Variants in RPS6KA5 observed in about 807,000 individuals in gnomAD.
The protein encoded by RPS6KA5 is ribosomal protein S6 kinase alpha-5.
RPS6KA5 carries 27 observed loss-of-function variants against 85.5 expected under a neutral mutation model. The ratio of observed to expected loss-of-function variants is 0.32; its 90% CI spans 0.23 to 0.44. The LOEUF is 0.44. Among genes scored for constraint, RPS6KA5 ranks in the 20% least tolerant of loss-of-function variants. The pLI, the probability that RPS6KA5 is intolerant of heterozygous loss-of-function variation, is 1.00. For synonymous variants in RPS6KA5, 334 were observed against 348.2 expected (o/e 0.96, Z 0.46); for missense variants, 811 against 980.9 (o/e 0.83, Z 2.31).
chr14:91,007,438 C>A (rs2041069234), intron 1 of RPS6KA5, among the ~76,000 whole-genome samples: 1 of 152,152 alleles, frequency 6.6e-6, no homozygotes, highest in African/African-American at 2.4e-5. Context: ...TATTTTAAAT[C>A]TTTTCAAGGT....
intron 3 of RPS6KA5, among the ~76,000 whole-genome samples, chr14:90,968,363 C>T (rs904579368): frequency 2.0e-5 from 3 of 152,216 alleles, no homozygotes; most frequent in Middle Eastern, 3.4e-3. Flanking sequence ...CCAGATAATT[C>T]AGAATAATCT....
intron 2 of RPS6KA5, among the ~76,000 whole-genome samples, chr14:90,980,041 G>C (rs186107409): frequency 1.3e-5 from 2 of 152,302 alleles, no homozygotes; most frequent in Non-Finnish European, 2.9e-5. Context: ...AAAGGTTTGT[G>C]TATTAGCTCA....
intron 3 of RPS6KA5, among the ~76,000 whole-genome samples, chr14:90,976,064 T>C (rs2039551631): frequency 1.3e-5 from 2 of 152,278 alleles, no homozygotes; most frequent in East Asian, 1.9e-4. Context: ...AAAAGCAACA[T>C]GATTAAGGAC....
intron 13 of RPS6KA5, among the ~76,000 whole-genome samples, chr14:90,893,451 T>A (rs1207479038): frequency 1.3e-5 from 2 of 152,192 alleles, no homozygotes; most frequent in Non-Finnish European, 2.9e-5. Flanking sequence ...TTTTAAAAAT[T>A]TTCTTTTCCA....
At chr14:90,880,040 C>G (rs1181188062) in intron 14 of RPS6KA5, among the ~76,000 whole-genome samples, 2 of 152,132 alleles carry the variant, frequency 1.3e-5, no homozygotes, top group Non-Finnish European at 2.9e-5. Flanking sequence ...ACCTTGTGAT[C>G]TACCCGCCTT....
intron 1 of RPS6KA5, among the ~76,000 whole-genome samples, chr14:91,018,848 C>CATGATATGTA (rs2041615754): frequency 1.3e-5 from 2 of 152,074 alleles, no homozygotes; most frequent in South Asian, 4.1e-4. Flanking sequence ...AATGAACTCC[C>CATGATATGTA]TATCATGTAT....
rs1037925567 is a variant in RPS6KA5, at chr14:90,900,008, G to C, written c.1379+100C>G. The C allele has an allele frequency of 2.0e-5, 20 of 1,022,200 alleles. No individual in the cohort carries two copies. The African/African-American group carries it at 2.3e-4, about 12-fold the overall frequency. 63.3% of individuals were successfully genotyped at this position (1,022,200 alleles called of 1,614,324 possible). The stretch of plus-strand genomic sequence containing the variant: ...AGTGGTTAAACCTTTGGGTAAGAAA[G>C]TCTTACAATATAATACTGGTTTCAA... On this transcript the variant is annotated intron_variant, in intron 11 of 16. Transcript: ENST00000614987.
At chr14:90,895,131 G>A (rs1193002460) in intron 12 of RPS6KA5, among the ~76,000 whole-genome samples, 3 of 151,512 alleles carry the variant, frequency 2.0e-5, no homozygotes, top group Non-Finnish European at 4.4e-5. Context: ...GGGCAACTGA[G>A]TAGGATGGGT....
At chr14:90,914,311 T>TG (rs1479565998) in intron 7 of RPS6KA5, among the ~76,000 whole-genome samples, 1 of 136,396 alleles carries the variant, frequency 7.3e-6, no homozygotes, top group Non-Finnish European at 1.6e-5. Context: ...TCCCTAGGGT[T>TG]TTTTTTTTTT....
Position 90,899,349 on chromosome 14 carries a change from G to A in RPS6KA5, c.1453C>T (p.His485Tyr), listed in dbSNP as rs148385885. The change falls in exon 12 of 17, where the codon CAT becomes TAT. Residue 485 changes from histidine to tyrosine, a missense_variant. Around this residue, in one of 3 missense-constraint regions of RPS6KA5, gnomAD observed 650 missense variants for 793.4 expected, o/e 0.82. Coordinates refer to ENST00000614987, the MANE Select transcript of RPS6KA5 (RefSeq NM_004755.4). ...CEGHPNIVKL[H>Y]EVFHDQLHTF... is the part of the protein sequence containing the mutation. ...GATACCTGATCATGAAAAACTTCATGCAACTTCACAATATTGGGGTGTCCT... is the reference window on the plus strand; with the variant it reads ...GATACCTGATCATGAAAAACTTCATACAACTTCACAATATTGGGGTGTCCT... 3.1e-6 allele frequency: 5 copies of A among 1,604,762 alleles called. No homozygotes were observed. Among genetic ancestry groups the A allele is most frequent in the African/African-American group, 1.3e-5 (1 of 74,206 alleles).
At chr14:91,060,272 C>A (rs1313657163) in intron 1 of RPS6KA5, 60 bp downstream of exon 1, 1 of 1,076,318 alleles carries the variant, frequency 9.3e-7, no homozygotes, top group Non-Finnish European at 1.1e-6. Context: ...CGCGGGCACC[C>A]GCGTGCCCTC....
At chr14:90,935,297 A>C (rs1281314108) in intron 5 of RPS6KA5, among the ~76,000 whole-genome samples, 1 of 149,154 alleles carries the variant, frequency 6.7e-6, no homozygotes, top group African/African-American at 2.5e-5. Flanking sequence ...AACTACAAAA[A>C]AGAAAATAAA....
chr14:91,036,384 T>C (rs2042411691), intron 1 of RPS6KA5, among the ~76,000 whole-genome samples: 1 of 152,256 alleles, frequency 6.6e-6, no homozygotes, highest in Non-Finnish European at 1.5e-5. Flanking sequence ...AAAGCTGTGC[T>C]GATCAAGTAT....
At chr14:90,990,152 GA>G in intron 2 of RPS6KA5, among the ~76,000 whole-genome samples, 1 of 152,140 alleles carries the variant, frequency 6.6e-6, no homozygotes. Flanking sequence ...AAATAAAGTG[GA>G]CTAGAAAGTA....
chr14:91,001,016 G>A, intron 2 of RPS6KA5, 72 bp downstream of exon 2: 3 of 819,384 alleles, frequency 3.7e-6, no homozygotes, highest in Non-Finnish European at 6.0e-6. Context: ...CTGTATTGGG[G>A]ATATCAATCC....
At chr14:91,009,360 C>CT (rs1380077609) in intron 1 of RPS6KA5, among the ~76,000 whole-genome samples, 2 of 152,312 alleles carry the variant, frequency 1.3e-5, no homozygotes, top group East Asian at 3.9e-4. Flanking sequence ...CTCCTGGTGC[C>CT]TAGAACTGTG....
intron 7 of RPS6KA5, among the ~76,000 whole-genome samples, chr14:90,916,679 TCACACACACA>T (rs10615964): frequency 6.6e-6 from 1 of 150,584 alleles, no homozygotes; most frequent in African/African-American, 2.4e-5. Flanking sequence ...TAAATTTCTG[TCACACACACA>T]CACACACACA....
At chr14:90,957,019 C>T (rs1435598374) in intron 3 of RPS6KA5, among the ~76,000 whole-genome samples, 1 of 150,190 alleles carries the variant, frequency 6.7e-6, no homozygotes, top group Non-Finnish European at 1.5e-5. Flanking sequence ...TGATTCCAAC[C>T]CCCTACTTCC....
At position 90,855,677 on chromosome 14, in the gene RPS6KA5, G is replaced by A. The variant is rs10132023; in HGVS notation, c.*16397C>T. ...GGCTGGAGTGCAGTGGCGCGATCTC[G>A]GCTCACTGCAAGCTCTGCCTCCTAG... On this transcript the variant is annotated 3_prime_UTR_variant, in exon 17 of 17. Coordinates refer to ENST00000614987, the MANE Select transcript of RPS6KA5 (RefSeq NM_004755.4). 0.096 allele frequency: 14,374 copies of A among 149,836 alleles called. 1,639 individuals carry two copies. The highest frequency in any genetic ancestry group is 0.28 in the African/African-American group (11,446 of 40,504). The allele number at this position is 149,836 out of a possible 1,614,324, so 9.3% of individuals were successfully genotyped here.
Sources: gnomAD v4.1 joint callset for allele counts (sites outside exome capture counted in the v4.1 genomes callset) on GRCh38, gnomAD v4.1.1 for gene constraint, gnomAD v4.1.1 regional missense constraint, MANE v1.5 for transcripts, NCBI Gene and HGNC (gene_info 2026-07-23, HGNC 2026-07-21) for gene names.